The following SETD3 variants were observed in gnomAD, a reference collection of about 807,000 sequenced individuals.
The protein encoded by SETD3 is SET domain containing 3, actin N3(tau)-histidine methyltransferase, also known as actin-histidine N-methyltransferase.
Under a neutral mutation model 63.0 loss-of-function variants are expected in SETD3, and 19 were observed. The observed-to-expected ratio is 0.30, with a 90% CI of 0.21 to 0.44. The LOEUF is 0.44. Among genes scored for constraint, SETD3 ranks in the 20% least tolerant of loss-of-function variants. SETD3 has a pLI of 1.00. For missense variants in SETD3, 587 were observed against 728.5 expected (o/e 0.81, Z 2.24); for synonymous variants, 286 against 264.1 (o/e 1.08, Z -0.80).
chr14:99,471,437 G>A lies in SETD3; in HGVS notation c.-8-5624C>T, dbSNP rs532208436. Among the ~76,000 whole-genome samples, 11 of 152,318 alleles carry A rather than the reference G, an allele frequency of 7.2e-5. No individual in the cohort carries two copies. In the South Asian group the frequency reaches 2.1e-3, roughly 29 times the overall value. On this transcript the variant is annotated intron_variant, in intron 1 of 12. Coordinates refer to ENST00000331768, the MANE Select transcript of SETD3 (RefSeq NM_032233.3). ...AGAGATAGATTGGCCATACCATGAA[G>A]GACAGGGGTTAGGGTTACGCTTATG...
At chr14:99,401,961 G>A (rs1352081513) in intron 11 of SETD3, among the ~76,000 whole-genome samples, 2 of 151,848 alleles carry the variant, frequency 1.3e-5, no homozygotes, top group Non-Finnish European at 2.9e-5. Context: ...GTAGCATGTG[G>A]CCTGCCTGCA....
At chr14:99,399,274 C>T in intron 12 of SETD3, 149 bp from the exon 13 acceptor site, 1 of 624,958 alleles carries the variant, frequency 1.6e-6, no homozygotes, top group Non-Finnish European at 2.8e-6. Context: ...GGTCGCATGA[C>T]CAGACACTCA....
At chr14:99,402,424 C>A (rs758000853) in intron 11 of SETD3, among the ~76,000 whole-genome samples, 1 of 152,090 alleles carries the variant, frequency 6.6e-6, no homozygotes, top group Non-Finnish European at 1.5e-5. Context: ...TTAGTTTGTT[C>A]GTTTGTTTGT....
At position 99,398,854 on chromosome 14, in the gene SETD3, T is replaced by C; in HGVS notation, c.1610A>G (p.Asn537Ser). The change falls in exon 13 of 13, where the codon AAC becomes AGC. Residue 537 changes from asparagine (N) to serine (S), a missense_variant. Asn to Ser is a conservative substitution (Grantham distance 46). Transcript: ENST00000331768. Reference protein sequence around the residue: ...EEEAGVQDALNIREAISKAKA... With the variant: ...EEEAGVQDALSIREAISKAKA... Reference sequence around the variant, plus strand: ...TGCTTTGCTGATTGCCTCTCTGATGTTCAAGGCATCCTGCACTCCAGCCTC... The same window carrying C: ...TGCTTTGCTGATTGCCTCTCTGATGCTCAAGGCATCCTGCACTCCAGCCTC... 1 of 1,614,236 alleles carries C rather than the reference T, an allele frequency of 6.2e-7. No homozygotes were observed. The highest frequency in any genetic ancestry group is 8.5e-7 in the Non-Finnish European group (1 of 1,180,042).
Position 99,399,138 on chromosome 14 carries a change from A to G in SETD3, c.1339-13T>C, listed in dbSNP as rs745335306. 1.7e-5 allele frequency: 28 copies of G among 1,609,702 alleles called. No individual in the cohort carries two copies. The South Asian group carries it at 2.8e-4, about 16-fold the overall frequency. Reference sequence around the variant, plus strand: ...CGGATTTATCTTCCTGGAAAACAAGAGCAAAATTAATTACAAGAAGTCTAA... The same window carrying G: ...CGGATTTATCTTCCTGGAAAACAAGGGCAAAATTAATTACAAGAAGTCTAA... On this transcript the variant is annotated splice_polypyrimidine_tract_variant and intron_variant, in intron 12 of 12. Transcript: ENST00000331768.
Position 99,459,701 on chromosome 14 carries a change from T to C in SETD3, c.346-516A>G, listed in dbSNP as rs368085809. Among the ~76,000 whole-genome samples the C allele has an allele frequency of 1.3e-4, 20 of 152,338 alleles. No homozygotes were observed. In the East Asian group the frequency reaches 3.7e-3, roughly 28 times the overall value. ...TGAAATCACATGCCCAGAAGACACA[T>C]TGGTTTAGAAATTTGTTTCCCAAAG... On this transcript the variant is annotated intron_variant, in intron 4 of 12. Coordinates refer to ENST00000331768, the MANE Select transcript of SETD3 (RefSeq NM_032233.3).
intron 7 of SETD3, 96 bp downstream of exon 7, chr14:99,413,780 G>A (rs752746286): frequency 8.0e-6 from 9 of 1,127,464 alleles, no homozygotes; most frequent in Middle Eastern, 2.0e-4. Context: ...GGTCACAGCA[G>A]GTCACTTCTC....
intron 6 of SETD3, among the ~76,000 whole-genome samples, chr14:99,433,074 C>T (rs1893270732): frequency 6.6e-6 from 1 of 152,098 alleles, no homozygotes; most frequent in African/African-American, 2.4e-5. Context: ...TTGTAAAGGA[C>T]ACGCATCCAG....
intron 6 of SETD3, among the ~76,000 whole-genome samples, chr14:99,417,832 C>T (rs888179507): frequency 3.3e-5 from 5 of 152,078 alleles, no homozygotes; most frequent in African/African-American, 9.7e-5. Context: ...TCCATAAATA[C>T]ATGGAGAGGT....
chr14:99,420,464 ATGAC>A (rs1892525420), intron 6 of SETD3, among the ~76,000 whole-genome samples: 1 of 152,184 alleles, frequency 6.6e-6, no homozygotes, highest in African/African-American at 2.4e-5. Flanking sequence ...GAGGAAAGCT[ATGAC>A]TCCAAAGGTG....
chr14:99,448,709 C>T (rs1374781460), intron 6 of SETD3, among the ~76,000 whole-genome samples: 1 of 152,102 alleles, frequency 6.6e-6, no homozygotes, highest in African/African-American at 2.4e-5. Flanking sequence ...TAGCTCATAC[C>T]CCTCAGTCAG....
At chr14:99,459,509 A>T (rs10138771) in intron 4 of SETD3, among the ~76,000 whole-genome samples, 148,287 of 152,314 alleles carry the variant, frequency 0.97, 72,301 homozygotes, top group East Asian at 1. Context: ...TTTACTGTAT[A>T]CTTTACTGTA....
chr14:99,406,441 T>C lies in SETD3; in HGVS notation c.924+75A>G. On this transcript the variant is annotated intron_variant, in intron 9 of 12. Transcript: ENST00000331768. ...TTTTTCCCCTAAGTTAAGTTCCTTT[T>C]TAAGATTACCAACACGGTGTTAACG... The C allele has an allele frequency of 4.4e-6, 6 of 1,364,982 alleles. No individual in the cohort carries two copies. In the Admixed American group the frequency reaches 1.0e-4, roughly 24 times the overall value. The allele number at this position is 1,364,982 out of a possible 1,614,324, so 84.6% of individuals were successfully genotyped here.
chr14:99,407,135 G>A (rs901642519), intron 8 of SETD3, among the ~76,000 whole-genome samples: 6 of 152,324 alleles, frequency 3.9e-5, no homozygotes, highest in East Asian at 3.9e-4. Flanking sequence ...TTTCAAGCAT[G>A]CAAAGGCAAA....
At chr14:99,451,686 T>C (rs1894472845) in intron 6 of SETD3, among the ~76,000 whole-genome samples, 1 of 151,938 alleles carries the variant, frequency 6.6e-6, no homozygotes, top group Non-Finnish European at 1.5e-5. Flanking sequence ...TTTGTATTTT[T>C]AGTAGAGACA....
intron 6 of SETD3, among the ~76,000 whole-genome samples, chr14:99,414,514 C>G (rs1892184465): frequency 6.6e-6 from 1 of 152,202 alleles, no homozygotes; most frequent in Admixed American, 6.5e-5. Flanking sequence ...AGGAGAAGTG[C>G]AGGTCTATGA....
chr14:99,410,262 G>T, intron 8 of SETD3: 1 of 1,613,012 alleles, frequency 6.2e-7, no homozygotes, highest in Non-Finnish European at 8.5e-7. Context: ...TGTGTGCACG[G>T]AGGGTGTGGG....
chr14:99,428,767 G>C (rs190515531), intron 6 of SETD3, among the ~76,000 whole-genome samples: 1 of 152,284 alleles, frequency 6.6e-6, no homozygotes, highest in African/African-American at 2.4e-5. Flanking sequence ...ACTGAGGGTG[G>C]CCTCTAGCAA....
chr14:99,432,736 C>T (rs1893252959), intron 6 of SETD3, among the ~76,000 whole-genome samples: 1 of 152,220 alleles, frequency 6.6e-6, no homozygotes, highest in African/African-American at 2.4e-5. Context: ...CCATCTCATG[C>T]TGAGAGGCTC....
Sources: allele counts gnomAD v4.1 joint callset (sites outside exome capture counted in the v4.1 genomes callset), GRCh38; gene constraint gnomAD v4.1.1; transcripts MANE v1.5; gene names NCBI Gene and HGNC (gene_info 2026-07-23, HGNC 2026-07-21).